The following KCNQ3 variants were observed in gnomAD, a reference collection of about 807,000 sequenced individuals.
KCNQ3 encodes potassium voltage-gated channel subfamily Q member 3, also known as potassium voltage-gated channel subfamily KQT member 3.
Under a neutral mutation model 92.5 loss-of-function variants are expected in KCNQ3, and 30 were observed. The observed-to-expected ratio is 0.32, with a 90% CI of 0.24 to 0.44. The LOEUF (loss-of-function observed/expected upper bound fraction) is 0.44, where lower values mean the gene tolerates loss of function less well. Ranked by LOEUF, KCNQ3 falls within the 20% of genes least tolerant of loss-of-function variation. The pLI is 1.00. For synonymous variants in KCNQ3, 450 were observed against 468.8 expected, an observed-to-expected ratio of 0.96 and a Z score of 0.52; for missense variants, 913 against 1,140.3, an observed-to-expected ratio of 0.80 and a Z score of 2.87.
chr8:132,396,716 T>G (rs1273280906), intron 1 of KCNQ3, among the ~76,000 whole-genome samples: 2 of 152,150 alleles, frequency 1.3e-5, no homozygotes, highest in Non-Finnish European at 2.9e-5. Context: ...TCTGAAGGGA[T>G]TCTGCTATCG....
chr8:132,389,399 C>A (rs556743998), intron 1 of KCNQ3, among the ~76,000 whole-genome samples: 4 of 152,198 alleles, frequency 2.6e-5, no homozygotes, highest in Non-Finnish European at 4.4e-5. Flanking sequence ...GCTGAGATTG[C>A]GCCATTGCAC....
chr8:132,373,370 G>A (rs1563883956), intron 1 of KCNQ3, among the ~76,000 whole-genome samples: 1 of 152,226 alleles, frequency 6.6e-6, no homozygotes, highest in East Asian at 1.9e-4. Context: ...GAGGAGATGG[G>A]CCTTAAAACG....
At chr8:132,365,080 C>T (rs914314910) in intron 1 of KCNQ3, among the ~76,000 whole-genome samples, 1 of 152,152 alleles carries the variant, frequency 6.6e-6, no homozygotes, top group African/African-American at 2.4e-5. Context: ...TTTTGTTTTA[C>T]ATTTTGCCTG....
At chr8:132,183,917 G>A (rs547467274) in intron 3 of KCNQ3, among the ~76,000 whole-genome samples, 25 of 152,298 alleles carry the variant, frequency 1.6e-4, no homozygotes, top group African/African-American at 5.8e-4. Context: ...GTGACTGGGG[G>A]TGCTACTACT....
chr8:132,165,776 T>C (rs1826126274), intron 8 of KCNQ3, among the ~76,000 whole-genome samples: 1 of 152,234 alleles, frequency 6.6e-6, no homozygotes, highest in African/African-American at 2.4e-5. Flanking sequence ...TTCCATCACT[T>C]ATCAGCTGAG....
chr8:132,376,295 G>A (rs1260961285), intron 1 of KCNQ3, among the ~76,000 whole-genome samples: 4 of 151,996 alleles, frequency 2.6e-5, no homozygotes, highest in Admixed American at 2.0e-4. Flanking sequence ...TTAAATTGAC[G>A]GCCTATCTTC....
chr8:132,412,822 G>A (rs1337822089), intron 1 of KCNQ3, among the ~76,000 whole-genome samples: 1 of 152,208 alleles, frequency 6.6e-6, no homozygotes, highest in Non-Finnish European at 1.5e-5. Flanking sequence ...GACCCCAACT[G>A]CAAAACAGGA....
chr8:132,336,486 CCAGA>C (rs1818370877), intron 1 of KCNQ3, among the ~76,000 whole-genome samples: 1 of 152,164 alleles, frequency 6.6e-6, no homozygotes, highest in South Asian at 2.1e-4. Context: ...TCATGGAGCT[CCAGA>C]CAAACAGTAG....
intron 1 of KCNQ3, among the ~76,000 whole-genome samples, chr8:132,281,584 C>T (rs1000545840): frequency 1.7e-4 from 26 of 151,556 alleles, no homozygotes; most frequent in African/African-American, 6.3e-4. Context: ...TATGGACCTA[C>T]TTCATTCCAT....
intron 1 of KCNQ3, among the ~76,000 whole-genome samples, chr8:132,312,872 A>T (rs1004017203): frequency 1.3e-5 from 2 of 152,176 alleles, no homozygotes; most frequent in Non-Finnish European, 2.9e-5. Flanking sequence ...TTTGTAAATT[A>T]CCTAGACTCA....
intron 1 of KCNQ3, among the ~76,000 whole-genome samples, chr8:132,187,797 G>A (rs1234289430): frequency 6.7e-6 from 1 of 148,652 alleles, no homozygotes; most frequent in African/African-American, 2.5e-5. Context: ...TGGCGGTGGT[G>A]GTGATAGTGA....
intron 1 of KCNQ3, among the ~76,000 whole-genome samples, chr8:132,279,157 G>T (rs1434019779): frequency 1.3e-5 from 2 of 152,198 alleles, no homozygotes; most frequent in Non-Finnish European, 2.9e-5. Context: ...GGCGGAGTTT[G>T]CAGTGAGCCG....
chr8:132,198,551 T>A (rs1291976065), intron 1 of KCNQ3, among the ~76,000 whole-genome samples: 1 of 152,232 alleles, frequency 6.6e-6, no homozygotes, highest in Non-Finnish European at 1.5e-5. Context: ...GGCTCATGCC[T>A]GTAATCCCAA....
At chr8:132,166,708 C>G (rs998727125) in intron 8 of KCNQ3, among the ~76,000 whole-genome samples, 1 of 152,104 alleles carries the variant, frequency 6.6e-6, no homozygotes, top group East Asian at 1.9e-4. Context: ...AACAGACCAC[C>G]GTCATCCATC....
At chr8:132,455,802 C>T (rs1186174107) in intron 1 of KCNQ3, among the ~76,000 whole-genome samples, 5 of 152,062 alleles carry the variant, frequency 3.3e-5, no homozygotes, top group African/African-American at 4.8e-5. Context: ...AGTATAGTGG[C>T]GTGATCTCGG....
chr8:132,202,688 A>G (rs1333587119), intron 1 of KCNQ3, among the ~76,000 whole-genome samples: 2 of 152,152 alleles, frequency 1.3e-5, no homozygotes, highest in East Asian at 1.9e-4. Context: ...AGTTGCCAAT[A>G]CCTTGTTCCT....
chr8:132,128,963 GTAC>G lies in KCNQ3; in HGVS notation c.*296_*298del, dbSNP rs1332936693. 2.3e-6 allele frequency: 1 copy of G among 438,958 alleles called. No homozygotes were observed. Among genetic ancestry groups the G allele is most frequent in the African/African-American group, 2.0e-5 (1 of 50,796 alleles). 27.2% of individuals were successfully genotyped at this position (438,958 alleles called of 1,614,324 possible). ...CATGGCTCATCAGTAATTTCTCCCT[GTAC>G]TGGTCCAATCGTGATTAAAAGTAAG... On this transcript the variant is annotated 3_prime_UTR_variant, in exon 15 of 15. Transcript: ENST00000388996.
chr8:132,385,931 C>T (rs1429945338), intron 1 of KCNQ3, among the ~76,000 whole-genome samples: 9 of 144,542 alleles, frequency 6.2e-5, no homozygotes, highest in Non-Finnish European at 1.1e-4. Flanking sequence ...ACACTCTATC[C>T]GGGCAAAAAA....
At chr8:132,372,667 G>T (rs1819504960) in intron 1 of KCNQ3, among the ~76,000 whole-genome samples, 1 of 148,498 alleles carries the variant, frequency 6.7e-6, no homozygotes. Context: ...TGAGACAGGA[G>T]AATCGCTTGA....
Sources: allele counts gnomAD v4.1 joint callset (sites outside exome capture counted in the v4.1 genomes callset), GRCh38; gene constraint gnomAD v4.1.1; transcripts MANE v1.5; gene names NCBI Gene and HGNC (gene_info 2026-07-23, HGNC 2026-07-21).